Variants in TCAIM observed in about 807,000 individuals in gnomAD.
TCAIM encodes T cell activation inhibitor, mitochondrial.
TCAIM carries 36 observed loss-of-function variants against 58.6 expected under a neutral mutation model. The observed-to-expected ratio is 0.61, with a 90% CI of 0.47 to 0.81. The LOEUF is 0.81. TCAIM is among the 30% of genes least tolerant of loss of function. The pLI is 0.00. For synonymous variants in TCAIM, 172 were observed against 193.6 expected (o/e 0.89, Z 0.93); for missense variants, 466 against 579.6 (o/e 0.80, Z 2.01).
intron 10 of TCAIM, among the ~76,000 whole-genome samples, chr3:44,404,686 T>A (rs1702072046): frequency 6.6e-6 from 1 of 152,094 alleles, no homozygotes; most frequent in African/African-American, 2.4e-5. Context: ...ACTTCTTTCC[T>A]TCAGTGAAGC....
At chr3:44,405,964 A>AG (rs1702094419) in intron 10 of TCAIM, among the ~76,000 whole-genome samples, 4 of 151,940 alleles carry the variant, frequency 2.6e-5, no homozygotes, top group African/African-American at 9.7e-5. Context: ...AAAAAAAAAA[A>AG]AAAAAAAATT....
At position 44,407,839 on chromosome 3, in the gene TCAIM, A is replaced by G; in HGVS notation, c.*157A>G. On this transcript the variant is annotated 3_prime_UTR_variant, in exon 11 of 11. Coordinates refer to ENST00000342649, the MANE Select transcript of TCAIM (RefSeq NM_173826.4). ...TTTTTTAAAAAAATTAATTTCTGCTAGGAGAGGTTTTATATGCCAGGCGTG... is the reference window on the plus strand; with the variant it reads ...TTTTTTAAAAAAATTAATTTCTGCTGGGAGAGGTTTTATATGCCAGGCGTG... 1.2e-6 allele frequency: 1 copy of G among 856,074 alleles called. No homozygotes were observed. Among genetic ancestry groups the G allele is most frequent in the South Asian group, 2.2e-5 (1 of 45,662 alleles). The allele number at this position is 856,074 out of a possible 1,614,324, so 53.0% of individuals were successfully genotyped here. A position where few individuals can be genotyped will look rare whatever the true frequency, so the allele number is the denominator to read the frequency against.
At chr3:44,392,492 G>A (rs1329072285) in intron 5 of TCAIM, among the ~76,000 whole-genome samples, 1 of 152,118 alleles carries the variant, frequency 6.6e-6, no homozygotes, top group Admixed American at 6.5e-5. Flanking sequence ...CTGCCTTCAA[G>A]TGGGTCCCAG....
At position 44,354,831 on chromosome 3, in the gene TCAIM, C is replaced by CT; in HGVS notation, c.29+21dup. 6.2e-7 allele frequency: 1 copy of CT among 1,608,734 alleles called. No individual in the cohort carries two copies. The highest frequency in any genetic ancestry group is 8.5e-7 in the Non-Finnish European group (1 of 1,178,582). On this transcript the variant is annotated intron_variant, in intron 2 of 10. Transcript: ENST00000342649. ...GAGGAGGTAAGCATCATGGTCCAAT[C>CT]TGTAATTAGTATTGTGGCGGGGGGA...
chr3:44,382,643 AG>A (rs1323585383), intron 5 of TCAIM, among the ~76,000 whole-genome samples: 3 of 152,234 alleles, frequency 2.0e-5, no homozygotes, highest in African/African-American at 7.2e-5. Flanking sequence ...AACTCTTAGA[AG>A]AAAACATAGG....
intron 3 of TCAIM, 30 bp from the exon 4 acceptor site, chr3:44,361,335 T>C: frequency 6.4e-7 from 1 of 1,556,920 alleles, no homozygotes; most frequent in Non-Finnish European, 8.7e-7. Flanking sequence ...TTCTATTTTG[T>C]ATGTAAATGC....
chr3:44,404,556 T>C (rs1190825796), intron 10 of TCAIM, among the ~76,000 whole-genome samples: 2 of 152,078 alleles, frequency 1.3e-5, no homozygotes, highest in Non-Finnish European at 2.9e-5. Flanking sequence ...ATCATCCTCA[T>C]GCCCCTGACT....
chr3:44,400,238 T>G (rs1702000137), intron 8 of TCAIM, 117 bp from the exon 9 acceptor site: 1 of 799,484 alleles, frequency 1.3e-6, no homozygotes, highest in Admixed American at 3.2e-5. Context: ...TGAACTTTCC[T>G]TCAATGAAAA....
chr3:44,391,112 A>G (rs1701827187), intron 5 of TCAIM: 1 of 152,214 alleles, frequency 6.6e-6, no homozygotes, highest in Admixed American at 6.5e-5. Context: ...CTACAGAGGC[A>G]GTGCTGCTCT....
At chr3:44,402,420 A>G (rs1012869022) in intron 10 of TCAIM, among the ~76,000 whole-genome samples, 8 of 152,000 alleles carry the variant, frequency 5.3e-5, no homozygotes, top group African/African-American at 1.9e-4. Flanking sequence ...AAAAAAATAT[A>G]TGTATCATTT....
At chr3:44,353,219 C>T (rs1053082326) in intron 1 of TCAIM, among the ~76,000 whole-genome samples, 4 of 129,566 alleles carry the variant, frequency 3.1e-5, no homozygotes, top group African/African-American at 1.0e-4. Flanking sequence ...CCGCGCCTGG[C>T]CAACTTCTTT....
chr3:44,342,903 G>A (rs1208803565), intron 1 of TCAIM, among the ~76,000 whole-genome samples: 3 of 152,000 alleles, frequency 2.0e-5, no homozygotes, highest in East Asian at 3.9e-4. Context: ...TTGGGAGGCC[G>A]AGGAAGGAGG....
At chr3:44,405,823 A>G (rs1217084249) in intron 10 of TCAIM, among the ~76,000 whole-genome samples, 1 of 133,342 alleles carries the variant, frequency 7.5e-6, no homozygotes, top group Non-Finnish European at 1.6e-5. Flanking sequence ...ATGGTGGTAC[A>G]TGCATGCAAT....
intron 6 of TCAIM, among the ~76,000 whole-genome samples, chr3:44,394,912 AAAAAAAAAAATATATATATATATAT>A (rs1701901817): frequency 1.9e-5 from 1 of 52,914 alleles, no homozygotes; most frequent in Non-Finnish European, 3.6e-5. Flanking sequence ...AAAAAAAAAA[AAAAAAAAAAATATATATATATATAT>A]ATATATATAT....
chr3:44,355,184 G>T (rs1575242758), intron 2 of TCAIM, among the ~76,000 whole-genome samples: 1 of 152,174 alleles, frequency 6.6e-6, no homozygotes, highest in Admixed American at 6.6e-5. Flanking sequence ...AGGTTCTGGG[G>T]GAATAGATAC....
In TCAIM at chr3:44,367,725, A is replaced by G. The variant is rs1701403721; in HGVS notation, c.572+17A>G. 3.1e-6 allele frequency: 5 copies of G among 1,590,020 alleles called. No homozygotes were observed. The highest frequency in any genetic ancestry group is 4.3e-6 in the Non-Finnish European group (5 of 1,165,268). ...AACTCTCACGTATGTAAAAGTTTTT[A>G]TCTAACTAAACTGTATTTGTAGTTT... On this transcript the variant is annotated intron_variant, in intron 5 of 10. Transcript: ENST00000342649.
At chr3:44,371,005 G>A (rs1701460330) in intron 5 of TCAIM, among the ~76,000 whole-genome samples, 1 of 150,272 alleles carries the variant, frequency 6.7e-6, no homozygotes, top group East Asian at 2.0e-4. Context: ...TCTGCCTCCC[G>A]GATTAAGCAT....
At chr3:44,405,886 AG>A (rs1283263321) in intron 10 of TCAIM, among the ~76,000 whole-genome samples, 1 of 144,156 alleles carries the variant, frequency 6.9e-6, no homozygotes, top group East Asian at 2.0e-4. Flanking sequence ...TGGGAAGCAG[AG>A]GTTACAGTGA....
chr3:44,391,848 A>AT (rs1701840789), intron 5 of TCAIM, among the ~76,000 whole-genome samples: 1 of 152,220 alleles, frequency 6.6e-6, no homozygotes, highest in African/African-American at 2.4e-5. Context: ...CCACAAAGTA[A>AT]TCTTTTCCTA....
Sources: allele counts gnomAD v4.1 joint callset (sites outside exome capture counted in the v4.1 genomes callset), GRCh38; gene constraint gnomAD v4.1.1; transcripts MANE v1.5; gene names NCBI Gene and HGNC (gene_info 2026-07-23, HGNC 2026-07-21).